Variants in GALNT18 observed in about 807,000 individuals in gnomAD.
GALNT18 encodes polypeptide N-acetylgalactosaminyltransferase 18.
In GALNT18, 44 loss-of-function variants were observed where a neutral mutation model predicts 69.5. The observed-to-expected ratio is 0.63, with a 90% CI of 0.50 to 0.81. The LOEUF is 0.81. Among genes scored for constraint, GALNT18 ranks in the 40% least tolerant of loss-of-function variants. GALNT18 has a pLI of 0.00. For missense variants in GALNT18, 715 were observed against 810.0 expected (o/e 0.88, Z 1.42); for synonymous variants, 364 against 318.2 (o/e 1.14, Z -1.53).
At chr11:11,548,266 T>C (rs1858108433) in intron 1 of GALNT18, among the ~76,000 whole-genome samples, 1 of 152,210 alleles carries the variant, frequency 6.6e-6, no homozygotes, top group Admixed American at 6.5e-5. Flanking sequence ...GGCTGACATT[T>C]CCAATCAATC....
intron 2 of GALNT18, among the ~76,000 whole-genome samples, chr11:11,447,353 C>T (rs1324551749): frequency 6.6e-6 from 1 of 152,210 alleles, no homozygotes; most frequent in African/African-American, 2.4e-5. Context: ...GTGTCTCTCT[C>T]TCTCTCCGAC....
chr11:11,517,988 C>T (rs1393585387), intron 1 of GALNT18, among the ~76,000 whole-genome samples: 1 of 152,234 alleles, frequency 6.6e-6, no homozygotes, highest in Non-Finnish European at 1.5e-5. Flanking sequence ...CTCTATGCGC[C>T]AGTGCCTACC....
intron 3 of GALNT18, among the ~76,000 whole-genome samples, chr11:11,409,339 C>T (rs545128963): frequency 1.3e-5 from 2 of 152,140 alleles, no homozygotes; most frequent in Admixed American, 6.5e-5. Flanking sequence ...GTATCCCTGT[C>T]CTCCCACAGG....
chr11:11,459,992 T>A lies in GALNT18; in HGVS notation c.236-11056A>T, dbSNP rs1281522880. Among the ~76,000 whole-genome samples the A allele has an allele frequency of 6.6e-6, 1 of 152,158 alleles. No individual in the cohort carries two copies. Among genetic ancestry groups the A allele is most frequent in the Non-Finnish European group, 1.5e-5 (1 of 68,032 alleles). On this transcript the variant is annotated intron_variant, in intron 1 of 10. Transcript: ENST00000227756. The surrounding 1 kb of genome is among the most constrained non-coding windows in gnomAD (Gnocchi z 5.0). ...CATTCCTTGGCTTATGGCCTCTTCCTCCGTCTTCAAAGCCCACCACAGTGG... is the reference window on the plus strand; with the variant it reads ...CATTCCTTGGCTTATGGCCTCTTCCACCGTCTTCAAAGCCCACCACAGTGG...
intron 1 of GALNT18, among the ~76,000 whole-genome samples, chr11:11,462,853 C>G (rs1407664564): frequency 6.6e-6 from 1 of 152,150 alleles, no homozygotes; most frequent in African/African-American, 2.4e-5. Context: ...CCCTCCACCA[C>G]CCGGGAGGGG....
chr11:11,408,364 CAAAAAAAAA>C lies in GALNT18; in HGVS notation c.595+24248_595+24256del, dbSNP rs57957956. Among the ~76,000 whole-genome samples, 53 of 70,900 alleles carry C rather than the reference CAAAAAAAAA, an allele frequency of 7.5e-4. 1 individual carries two copies. Among genetic ancestry groups the C allele is most frequent in the African/African-American group, 1.3e-3 (26 of 19,478 alleles). The allele number at this position is 70,900 out of a possible 152,430, so 46.5% of individuals were successfully genotyped here. A position where few individuals can be genotyped will look rare whatever the true frequency, so the allele number is the denominator to read the frequency against. ...TGAGTGACAGAGCAAGACTTCATCT[CAAAAAAAAA>C]AAAAAAAAAAAAAAAAAGGAATATA... On this transcript the variant is annotated intron_variant, in intron 3 of 10. Transcript: ENST00000227756.
chr11:11,609,308 C>G (rs1480486958), intron 1 of GALNT18, among the ~76,000 whole-genome samples: 1 of 152,162 alleles, frequency 6.6e-6, no homozygotes, highest in Non-Finnish European at 1.5e-5. Flanking sequence ...TCACCCTGCT[C>G]TAGCCGCACT....
At chr11:11,288,732 G>A (rs995748991) in intron 10 of GALNT18, among the ~76,000 whole-genome samples, 1 of 152,166 alleles carries the variant, frequency 6.6e-6, no homozygotes, top group Non-Finnish European at 1.5e-5. Context: ...CGCTGTCCTG[G>A]TTCAGCCTGA....
At chr11:11,423,892 G>A (rs1201788411) in intron 3 of GALNT18, among the ~76,000 whole-genome samples, 3 of 152,192 alleles carry the variant, frequency 2.0e-5, no homozygotes, top group East Asian at 3.9e-4. Flanking sequence ...TTAATTTATG[G>A]TGAAGTACTT....
rs149832779 is a variant in GALNT18 at position 11,563,255 on chromosome 11, T to G, written c.235+58104A>C. ...ACCTCCCCGGATCAAGAGACTTGGC[T>G]CTTCCTGGCTTTGTTCTCATAGGGC... is the stretch of plus-strand genomic sequence containing the variant. On this transcript the variant is annotated intron_variant, in intron 1 of 10. Transcript: ENST00000227756. The surrounding 1 kb of genome is among the most constrained non-coding windows in gnomAD (Gnocchi z 4.6). Among the ~76,000 whole-genome samples, 2 of 152,312 alleles carry G rather than the reference T, an allele frequency of 1.3e-5. No homozygotes were observed. Among genetic ancestry groups the G allele is most frequent in the Admixed American group, 6.5e-5 (1 of 15,304 alleles).
chr11:11,516,960 G>A (rs1231713457), intron 1 of GALNT18, among the ~76,000 whole-genome samples: 2 of 152,210 alleles, frequency 1.3e-5, no homozygotes, highest in East Asian at 3.9e-4. Flanking sequence ...GGTGGTACTA[G>A]GAGGTGGGGG....
At position 11,499,286 on chromosome 11, in the gene GALNT18, C is replaced by T. The variant is rs181360858; in HGVS notation, c.236-50350G>A. Among the ~76,000 whole-genome samples, 4 of 152,338 alleles carry T rather than the reference C, an allele frequency of 2.6e-5. No homozygotes were observed. In the East Asian group the frequency reaches 7.7e-4, roughly 29 times the overall value. ...GTATTTCCATCAGCTGGCAGGACAT[C>T]AAGTCAATGAGCCATCAGCGCTGAC... On this transcript the variant is annotated intron_variant, in intron 1 of 10. Coordinates refer to ENST00000227756, the MANE Select transcript of GALNT18 (RefSeq NM_198516.3).
chr11:11,493,586 T>C (rs1490344280), intron 1 of GALNT18, among the ~76,000 whole-genome samples: 2 of 152,170 alleles, frequency 1.3e-5, no homozygotes, highest in Non-Finnish European at 2.9e-5. Flanking sequence ...CAGCACACAG[T>C]GATGCTCAGT....
In GALNT18 at chr11:11,339,041, A is replaced by C. The variant is rs12225810; in HGVS notation, c.1278+1778T>G. Among the ~76,000 whole-genome samples, 7,586 of 152,280 alleles carry C rather than the reference A, an allele frequency of 0.05. 225 individuals carry two copies. The highest frequency in any genetic ancestry group is 0.17 in the East Asian group (865 of 5,166). ...AAAGCAGTCTTGATGAAGTATCAGG[A>C]TATAGCTTGGGAGAAGGATTGGGAG... On this transcript the variant is annotated intron_variant, in intron 7 of 10. Transcript: ENST00000227756. The surrounding 1 kb of genome is among the most constrained non-coding windows in gnomAD (Gnocchi z 5.2).
chr11:11,427,681 C>T (rs933184969), intron 3 of GALNT18, among the ~76,000 whole-genome samples: 4 of 152,184 alleles, frequency 2.6e-5, no homozygotes, highest in African/African-American at 9.6e-5. Flanking sequence ...AATGGAAAAG[C>T]TGGCCGAATG....
intron 10 of GALNT18, among the ~76,000 whole-genome samples, chr11:11,273,501 T>C (rs919772749): frequency 6.6e-6 from 1 of 152,148 alleles, no homozygotes; most frequent in Non-Finnish European, 1.5e-5. Context: ...ATGAATCATC[T>C]CACCCCAGTT....
intron 1 of GALNT18, among the ~76,000 whole-genome samples, chr11:11,504,577 C>A (rs920997744): frequency 2.6e-5 from 4 of 151,940 alleles, no homozygotes; most frequent in African/African-American, 9.7e-5. Flanking sequence ...GGCAACATGG[C>A]AAAACCCCAT....
At chr11:11,279,945 A>C (rs1849033803) in intron 10 of GALNT18, among the ~76,000 whole-genome samples, 1 of 151,822 alleles carries the variant, frequency 6.6e-6, no homozygotes, top group Admixed American at 6.6e-5. Context: ...AGGGACTTTG[A>C]GTCACAGATG....
chr11:11,493,952 C>T (rs1856823943), intron 1 of GALNT18, among the ~76,000 whole-genome samples: 1 of 152,164 alleles, frequency 6.6e-6, no homozygotes, highest in Non-Finnish European at 1.5e-5. Flanking sequence ...CAGAACCTGG[C>T]TCTAGAATCA....
Sources: allele counts gnomAD v4.1 joint callset (sites outside exome capture counted in the v4.1 genomes callset), GRCh38; gene constraint gnomAD v4.1.1; non-coding constraint Gnocchi (gnomAD v3.1); transcripts MANE v1.5; gene names NCBI Gene and HGNC (gene_info 2026-07-23, HGNC 2026-07-21).